RRM2: variants seen among roughly 807,000 people sequenced by gnomAD.
RRM2 encodes the protein ribonucleotide reductase regulatory subunit M2.
RRM2 carries 6 observed loss-of-function variants against 45.9 expected under a neutral mutation model. The observed-to-expected ratio is 0.13, with a 90% confidence interval of 0.07 to 0.26. The LOEUF (loss-of-function observed/expected upper bound fraction) is 0.26, where lower values mean the gene tolerates loss of function less well. Among genes scored for constraint, RRM2 ranks in the 10% least tolerant of loss-of-function variants. RRM2 has a pLI of 1.00. For missense variants in RRM2, 343 were observed against 489.5 expected (o/e 0.70, Z 2.82); for synonymous variants, 177 against 173.0 (o/e 1.02, Z -0.18).
chr2:10,196,485 G>A (rs2125330964), intron 3 of RRM2, among the ~76,000 whole-genome samples: 1 of 152,300 alleles, frequency 6.6e-6, no homozygotes, highest in Non-Finnish European at 1.5e-5. Flanking sequence ...GCCTGGGAGT[G>A]GACGTTGAGG....
chr2:10,142,858 T>C (rs567716773), intron 3 of RRM2, among the ~76,000 whole-genome samples: 3 of 152,296 alleles, frequency 2.0e-5, no homozygotes, highest in African/African-American at 7.2e-5. Flanking sequence ...TTCCTGAGTC[T>C]GAGCTTCTTT....
rs145067195 is a variant in RRM2, at chr2:10,169,854, C to A, written n.482+27479C>A. On this transcript the variant is annotated intron_variant and non_coding_transcript_variant, in intron 3 of 3. Coordinates refer to the RRM2 transcript ENST00000381786. The surrounding 1 kb of genome is among the most constrained non-coding windows in gnomAD (Gnocchi z 5.1). ...GGAGCTGGCTTTGAACTTCTGCCCA[C>A]GCTGGAACTTGGGGAGAAGAGGGAG... Among the ~76,000 whole-genome samples, 418 of 152,282 alleles carry A rather than the reference C, an allele frequency of 2.7e-3. 3 individuals carry two copies. Among genetic ancestry groups the A allele is most frequent in the African/African-American group, 9.6e-3 (398 of 41,546 alleles).
chr2:10,178,289 C>A (rs1458270678), intron 3 of RRM2, among the ~76,000 whole-genome samples: 1 of 148,802 alleles, frequency 6.7e-6, no homozygotes, highest in Non-Finnish European at 1.5e-5. Flanking sequence ...ATGGCACCAT[C>A]TCAGCTCACT....
intron 3 of RRM2, among the ~76,000 whole-genome samples, chr2:10,173,251 A>G (rs1455515502): frequency 6.6e-6 from 1 of 152,082 alleles, no homozygotes; most frequent in African/African-American, 2.4e-5. Flanking sequence ...GTCGGCCACG[A>G]AGATTATTCT....
At chr2:10,139,007 C>T (rs552961088), upstream of RRM2, among the ~76,000 whole-genome samples, 89 of 152,228 alleles carry the variant, frequency 5.8e-4, no homozygotes, top group Non-Finnish European at 9.9e-4. Flanking sequence ...ACTTGGGAGA[C>T]TGAGGCAGGA....
chr2:10,175,763 ATT>A (rs59804995), intron 3 of RRM2, among the ~76,000 whole-genome samples: 2 of 149,670 alleles, frequency 1.3e-5, no homozygotes, highest in African/African-American at 2.5e-5. Flanking sequence ...CGCTCAGCTA[ATT>A]TTTTTTTTTT....
rs372624987 is a variant in RRM2 at position 10,210,501 on chromosome 2, G to A, written n.673G>A. On this transcript the variant is annotated non_coding_transcript_exon_variant, in exon 4 of 4. Coordinates refer to the RRM2 transcript ENST00000381786. ...AACTCACCAAGAATGCACAGAGGGC[G>A]CTGGGCTCCAAGCTTCAGCATATCC... 1.8e-5 allele frequency: 25 copies of A among 1,367,678 alleles called. No homozygotes were observed. The African/African-American group carries it at 2.2e-4, about 12-fold the overall frequency. 84.7% of individuals were successfully genotyped at this position (1,367,678 alleles called of 1,614,324 possible).
At chr2:10,133,699 C>T (rs1662941742), downstream of RRM2, among the ~76,000 whole-genome samples, 1 of 123,488 alleles carries the variant, frequency 8.1e-6, no homozygotes, top group South Asian at 2.6e-4. Flanking sequence ...AATATGACAT[C>T]AGGATTTTTT....
At chr2:10,188,697 C>G (rs1162027674) in intron 3 of RRM2, among the ~76,000 whole-genome samples, 1 of 152,072 alleles carries the variant, frequency 6.6e-6, no homozygotes, top group Admixed American at 6.5e-5. Context: ...GACCCAGGGC[C>G]TGGGGCCTTG....
intron 3 of RRM2, among the ~76,000 whole-genome samples, chr2:10,207,276 C>T (rs553866088): frequency 6.6e-6 from 1 of 152,264 alleles, no homozygotes; most frequent in African/African-American, 2.4e-5. Flanking sequence ...CCTTTTCTCT[C>T]CATCTCCATG....
chr2:10,199,121 TGG>T (rs1673479778), intron 3 of RRM2: 1 of 152,218 alleles, frequency 6.6e-6, no homozygotes, highest in African/African-American at 2.4e-5. Flanking sequence ...GTTGTCGTTA[TGG>T]GACACTGAAC....
chr2:10,184,593 C>A (rs1664125706), intron 3 of RRM2, among the ~76,000 whole-genome samples: 1 of 152,258 alleles, frequency 6.6e-6, no homozygotes, highest in Non-Finnish European at 1.5e-5. Context: ...GAGGCAGCAC[C>A]CGCCTGGCAT....
intron 3 of RRM2, among the ~76,000 whole-genome samples, chr2:10,190,399 GTGA>G (rs1664270074): frequency 7.0e-6 from 1 of 142,736 alleles, no homozygotes. Flanking sequence ...GATGGTGGTG[GTGA>G]TGGTGGTGAT....
chr2:10,143,704 C>G (rs1055313618), intron 3 of RRM2, among the ~76,000 whole-genome samples: 2 of 152,136 alleles, frequency 1.3e-5, no homozygotes, highest in African/African-American at 4.8e-5. Flanking sequence ...CGGAGTCTTG[C>G]TCTGTCGCCA....
chr2:10,124,952 TAAGACA>T, intron 5 of RRM2, 102 bp downstream of exon 5: 1 of 1,134,926 alleles, frequency 8.8e-7, no homozygotes, highest in Non-Finnish European at 1.3e-6. Context: ...CCAGAATGAC[TAAGACA>T]GTCATAGGCA....
At chr2:10,157,089 C>T (rs554720695) in intron 3 of RRM2, among the ~76,000 whole-genome samples, 148 of 124,648 alleles carry the variant, frequency 1.2e-3, no homozygotes, top group Admixed American at 2.2e-3. Context: ...ACTGCAGTGG[C>T]GCAATCTCGG....
intron 3 of RRM2, among the ~76,000 whole-genome samples, chr2:10,152,098 G>A (rs776030414): frequency 2.0e-4 from 30 of 151,898 alleles, no homozygotes; most frequent in Middle Eastern, 3.4e-3. Context: ...ACAGGCGCCC[G>A]CCACCACGCC....
At chr2:10,133,577 G>A (rs1179035584), downstream of RRM2, among the ~76,000 whole-genome samples, 2 of 152,224 alleles carry the variant, frequency 1.3e-5, no homozygotes, top group African/African-American at 2.4e-5. Context: ...GTTGGACTGC[G>A]TGGCCTGGCC....
At chr2:10,147,917 G>T (rs551899074) in intron 3 of RRM2, among the ~76,000 whole-genome samples, 66 of 152,208 alleles carry the variant, frequency 4.3e-4, no homozygotes, top group Middle Eastern at 3.4e-3. Flanking sequence ...GGCTGAGGCG[G>T]GTGGATCACT....
Sources: allele counts gnomAD v4.1 joint callset (sites outside exome capture counted in the v4.1 genomes callset), GRCh38; gene constraint gnomAD v4.1.1; non-coding constraint Gnocchi (gnomAD v3.1); transcripts MANE v1.5; gene names NCBI Gene and HGNC (gene_info 2026-07-23, HGNC 2026-07-21).